POLA1: variants seen among roughly 807,000 people sequenced by gnomAD.
POLA1 encodes DNA polymerase alpha catalytic subunit.
Under a neutral mutation model 124.0 loss-of-function variants are expected in POLA1, and 15 were observed. That is an observed-to-expected ratio of 0.12 (90% CI 0.08 to 0.19). The LOEUF (loss-of-function observed/expected upper bound fraction) is 0.19. POLA1 is among the 10% of genes least tolerant of loss of function. The pLI, the probability that POLA1 is intolerant of heterozygous loss-of-function variation, is 1.00. For missense variants in POLA1, 886 were observed against 1,103.4 expected (o/e 0.80, Z 2.79); for synonymous variants, 408 against 389.4 (o/e 1.05, Z -0.56).
At chrX:24,756,272 A>G (rs1054548074) in intron 26 of POLA1, among the ~76,000 whole-genome samples, 1 of 111,614 alleles carries the variant, frequency 9.0e-6, no homozygotes, top group Non-Finnish European at 1.9e-5. Flanking sequence ...TAAAAAATAC[A>G]AAGTTTGGGC....
At chrX:24,794,906 G>T (rs2045578442) in intron 26 of POLA1, among the ~76,000 whole-genome samples, 1 of 109,445 alleles carries the variant, frequency 9.1e-6, no homozygotes, top group Admixed American at 9.9e-5. Context: ...ATGAAATATC[G>T]TCAAAAGCAG....
At chrX:24,942,899 G>T (rs1057428071) in intron 36 of POLA1, among the ~76,000 whole-genome samples, 4 of 111,818 alleles carry the variant, frequency 3.6e-5, no homozygotes, top group African/African-American at 1.3e-4. Context: ...GTTTCACCAT[G>T]TTGCCCAGGC....
At chrX:24,849,832 G>A (rs1044824646) in intron 34 of POLA1, among the ~76,000 whole-genome samples, 2 of 110,722 alleles carry the variant, frequency 1.8e-5, no homozygotes, top group Non-Finnish European at 3.8e-5. Context: ...GGGTTTCACC[G>A]TGTTAGCCAG....
At position 24,877,659 on chromosome X, in the gene POLA1, A is replaced by G. The variant is rs956210589; in HGVS notation, c.4048-10347A>G. ...TGGTTTTTGTGCCCCAGATCTCCCA[A>G]CTGTGATCATGCTTTTTTTCTGAAG... On this transcript the variant is annotated intron_variant, in intron 34 of 36. Coordinates refer to ENST00000379068, the MANE Select transcript of POLA1 (RefSeq NM_001330360.2). 1.9e-4 allele frequency among the ~76,000 whole-genome samples: 21 copies of G among 112,023 alleles called. No homozygotes were observed. In the Admixed American group the frequency reaches 1.9e-3, roughly 10 times the overall value.
chrX:24,995,089 G>A (rs1181017890), intron 36 of POLA1, among the ~76,000 whole-genome samples: 2 of 110,796 alleles, frequency 1.8e-5, no homozygotes, highest in Non-Finnish European at 3.8e-5. Context: ...AAAACAACAT[G>A]TAGAAGTAGC....
chrX:24,752,525 G>A (rs1437648684), intron 26 of POLA1, among the ~76,000 whole-genome samples: 1 of 111,940 alleles, frequency 8.9e-6, no homozygotes, highest in Non-Finnish European at 1.9e-5. Context: ...GGCACTGAGT[G>A]GACATATATT....
At chrX:24,767,400 A>G (rs182613586) in intron 26 of POLA1, among the ~76,000 whole-genome samples, 115 of 111,690 alleles carry the variant, frequency 1.0e-3, no homozygotes, top group African/African-American at 3.6e-3. Flanking sequence ...ACTTCCAGAG[A>G]GAATTAGGAT....
intron 36 of POLA1, among the ~76,000 whole-genome samples, chrX:24,962,501 C>G (rs1209305463): frequency 2.7e-5 from 3 of 111,763 alleles, no homozygotes; most frequent in Non-Finnish European, 5.6e-5. Flanking sequence ...TGAGTGTTTA[C>G]TATATGTTTT....
At chrX:24,754,118 T>G (rs1489197741) in intron 26 of POLA1, among the ~76,000 whole-genome samples, 1 of 112,255 alleles carries the variant, frequency 8.9e-6, no homozygotes, top group Non-Finnish European at 1.9e-5. Flanking sequence ...GGCTCTAGCC[T>G]TTGTTGATGT....
chrX:24,761,040 T>C (rs1448844548), intron 26 of POLA1, among the ~76,000 whole-genome samples: 3 of 112,288 alleles, frequency 2.7e-5, no homozygotes, highest in African/African-American at 9.7e-5. Flanking sequence ...TAAAAAGCAA[T>C]ATGAAATAGA....
At chrX:24,909,452 A>C (rs1280433127) in intron 35 of POLA1, among the ~76,000 whole-genome samples, 2 of 111,717 alleles carry the variant, frequency 1.8e-5, no homozygotes, top group Non-Finnish European at 3.8e-5. Flanking sequence ...CTTTCTACAT[A>C]TGGCTAGCCA....
chrX:24,897,225 T>C (rs2047217357), intron 35 of POLA1, among the ~76,000 whole-genome samples: 1 of 111,597 alleles, frequency 9.0e-6, no homozygotes, highest in African/African-American at 3.3e-5. Flanking sequence ...ATTTGTAAAA[T>C]AGAAGGCTTA....
At chrX:24,985,785 G>T (rs11573521) in intron 36 of POLA1, among the ~76,000 whole-genome samples, 1 of 111,696 alleles carries the variant, frequency 9.0e-6, no homozygotes, top group Admixed American at 9.5e-5. Context: ...CTGGTCCCAA[G>T]CATTTCAGAT....
At chrX:24,968,425 C>A (rs964313610) in intron 36 of POLA1, among the ~76,000 whole-genome samples, 6 of 111,822 alleles carry the variant, frequency 5.4e-5, no homozygotes, top group African/African-American at 1.3e-4. Context: ...CCAGGCCGGG[C>A]GCAGTGGCTC....
intron 2 of POLA1, among the ~76,000 whole-genome samples, 186 bp downstream of exon 2, chrX:24,699,735 G>A (rs780502975): frequency 3.2e-4 from 35 of 110,365 alleles, no homozygotes; most frequent in Admixed American, 1.5e-3. Flanking sequence ...GAGAATGTTC[G>A]ACCCTTAAAG....
intron 16 of POLA1, among the ~76,000 whole-genome samples, chrX:24,733,189 G>GATAT (rs1420183412): frequency 8.9e-6 from 1 of 112,247 alleles, no homozygotes; most frequent in Non-Finnish European, 1.9e-5. Flanking sequence ...GGGAGTATGA[G>GATAT]ATATGATTGT....
chrX:24,739,139 C>T (rs1931483112), intron 19 of POLA1, among the ~76,000 whole-genome samples: 1 of 111,730 alleles, frequency 9.0e-6, no homozygotes, highest in African/African-American at 3.3e-5. Context: ...TTTATGATGT[C>T]TGTTTTTTAT....
intron 18 of POLA1, among the ~76,000 whole-genome samples, chrX:24,737,087 A>G (rs1451431443): frequency 9.0e-6 from 1 of 111,545 alleles, no homozygotes; most frequent in Non-Finnish European, 1.9e-5. Flanking sequence ...TATTTGAACT[A>G]TTTAGTGGTA....
intron 35 of POLA1, among the ~76,000 whole-genome samples, chrX:24,928,255 C>G (rs754059897): frequency 9.0e-6 from 1 of 111,712 alleles, no homozygotes; most frequent in African/African-American, 3.2e-5. Context: ...GGTCACTAAA[C>G]TCCGTGGCTG....
Sources: allele counts gnomAD v4.1 joint callset (sites outside exome capture counted in the v4.1 genomes callset), GRCh38; gene constraint gnomAD v4.1.1; transcripts MANE v1.5; gene names NCBI Gene and HGNC (gene_info 2026-07-23, HGNC 2026-07-21).